Variants in ZBTB7C observed in about 807,000 individuals in gnomAD.
ZBTB7C encodes zinc finger and BTB domain-containing protein 7C.
In ZBTB7C, 8 loss-of-function variants were observed where a neutral mutation model predicts 25.7. That is an observed-to-expected ratio of 0.31 (90% CI 0.18 to 0.56). The LOEUF is 0.56. ZBTB7C is among the 20% of genes least tolerant of loss of function. The probability of loss-of-function intolerance (pLI) is 0.91; values close to 1 mark genes in which losing one functional copy is unlikely to be tolerated. For synonymous variants in ZBTB7C, 394 were observed against 369.0 expected (o/e 1.07, Z -0.78); for missense variants, 824 against 855.2 (o/e 0.96, Z 0.46).
At chr18:48,351,993 C>A (rs912398770) in intron 1 of ZBTB7C, among the ~76,000 whole-genome samples, 1 of 152,178 alleles carries the variant, frequency 6.6e-6, no homozygotes, top group African/African-American at 2.4e-5. Flanking sequence ...CAGCCCCCTT[C>A]CTCACCTCCA....
At chr18:48,408,925 C>T (rs2048344164) in intron 1 of ZBTB7C, among the ~76,000 whole-genome samples, 1 of 140,978 alleles carries the variant, frequency 7.1e-6, no homozygotes, top group East Asian at 2.5e-4. Flanking sequence ...CTCCCTCCTT[C>T]CCTCCCTCCC....
Position 48,029,096 on chromosome 18 carries a change from C to CT in ZBTB7C, c.*163dup. ...TCAGACCAGCAAAAGGAGGCAGCTG[C>CT]TTTAGGAGCCCGGGAAAATGCCATC... On this transcript the variant is annotated 3_prime_UTR_variant, in exon 5 of 5. Coordinates refer to ENST00000590800, the MANE Select transcript of ZBTB7C (RefSeq NM_001318841.2). The CT allele has an allele frequency of 9.2e-7, 1 of 1,085,102 alleles. No homozygotes were observed. Among genetic ancestry groups the CT allele is most frequent in the Non-Finnish European group, 1.2e-6 (1 of 805,414 alleles). 67.2% of individuals were successfully genotyped at this position (1,085,102 alleles called of 1,614,324 possible). A position where few individuals can be genotyped will look rare whatever the true frequency, so the allele number is the denominator to read the frequency against.
At chr18:48,083,093 G>A (rs945386661) in intron 3 of ZBTB7C, among the ~76,000 whole-genome samples, 24 of 152,070 alleles carry the variant, frequency 1.6e-4, no homozygotes, top group African/African-American at 5.3e-4. Context: ...ATACATCTGC[G>A]TGTGAAGACC....
chr18:48,325,802 G>A (rs2046204302), intron 2 of ZBTB7C, among the ~76,000 whole-genome samples: 1 of 152,268 alleles, frequency 6.6e-6, no homozygotes, highest in African/African-American at 2.4e-5. Context: ...TGAAGAAAGG[G>A]CTTGTGGAGG....
chr18:48,156,585 GCCA>G (rs2040847154), intron 3 of ZBTB7C, among the ~76,000 whole-genome samples: 1 of 152,178 alleles, frequency 6.6e-6, no homozygotes, highest in Admixed American at 6.5e-5. Context: ...GGCCGATGGA[GCCA>G]CCAGATTGAA....
At chr18:48,189,086 C>G (rs2042132197) in intron 2 of ZBTB7C, among the ~76,000 whole-genome samples, 1 of 152,228 alleles carries the variant, frequency 6.6e-6, no homozygotes, top group Non-Finnish European at 1.5e-5. Context: ...GGGCTGAGCA[C>G]ACCATGGTTG....
intron 3 of ZBTB7C, among the ~76,000 whole-genome samples, chr18:48,184,305 G>T (rs564219219): frequency 6.6e-6 from 1 of 152,304 alleles, no homozygotes; most frequent in South Asian, 2.1e-4. Flanking sequence ...GGAGGCAAGG[G>T]CTGAGCCAAA....
At chr18:48,053,073 C>A (rs559306324) in intron 3 of ZBTB7C, among the ~76,000 whole-genome samples, 9 of 152,258 alleles carry the variant, frequency 5.9e-5, no homozygotes, top group African/African-American at 2.2e-4. Context: ...TCTACAAGGT[C>A]AAGGTGGGGT....
rs71165321 is a variant in ZBTB7C, at chr18:48,367,175, TTATATA to T, written c.-303-28783_-303-28778del. Among the ~76,000 whole-genome samples the T allele has an allele frequency of 7.5e-4, 47 of 62,252 alleles. 1 individual carries two copies. Among genetic ancestry groups the T allele is most frequent in the African/African-American group, 2.7e-3 (36 of 13,378 alleles). The allele number at this position is 62,252 out of a possible 152,430, so 40.8% of individuals were successfully genotyped here. ...TTTCCCCTGTTCTTCTCCCCAAGTT[TTATATA>T]TATATATATATATATATATATACAC... On this transcript the variant is annotated intron_variant, in intron 1 of 4. Coordinates refer to ENST00000590800, the MANE Select transcript of ZBTB7C (RefSeq NM_001318841.2).
chr18:48,164,032 T>C (rs1426687325), intron 3 of ZBTB7C, among the ~76,000 whole-genome samples: 4 of 152,162 alleles, frequency 2.6e-5, no homozygotes, highest in African/African-American at 9.7e-5. Context: ...AGTACTAATA[T>C]GCATTTTTAT....
At chr18:48,339,644 C>T (rs2046545374) in intron 1 of ZBTB7C, among the ~76,000 whole-genome samples, 1 of 152,010 alleles carries the variant, frequency 6.6e-6, no homozygotes, top group African/African-American at 2.4e-5. Flanking sequence ...TTCCAAGTCA[C>T]CTCAGGGGTG....
At chr18:48,265,081 C>T (rs1054358999) in intron 2 of ZBTB7C, among the ~76,000 whole-genome samples, 10 of 152,108 alleles carry the variant, frequency 6.6e-5, no homozygotes, top group Non-Finnish European at 1.3e-4. Flanking sequence ...AACTGAAAAG[C>T]CTGGTTTTAG....
chr18:48,396,758 G>A, intron 1 of ZBTB7C, among the ~76,000 whole-genome samples: 1 of 152,106 alleles, frequency 6.6e-6, no homozygotes, highest in Non-Finnish European at 1.5e-5. Context: ...CATATTACTT[G>A]GCCCACATCA....
At chr18:48,122,467 C>T (rs1319492426) in intron 3 of ZBTB7C, among the ~76,000 whole-genome samples, 1 of 152,104 alleles carries the variant, frequency 6.6e-6, no homozygotes, top group Admixed American at 6.5e-5. Context: ...CTGTCCTGCC[C>T]ACGTGCAAGC....
intron 3 of ZBTB7C, among the ~76,000 whole-genome samples, chr18:48,097,369 T>C (rs1468191418): frequency 9.0e-6 from 1 of 111,194 alleles, no homozygotes; most frequent in African/African-American, 3.1e-5. Flanking sequence ...AGACAACTTT[T>C]ATTATTGTTG....
intron 3 of ZBTB7C, among the ~76,000 whole-genome samples, chr18:48,048,286 G>A (rs1167033094): frequency 6.6e-6 from 1 of 152,200 alleles, no homozygotes; most frequent in South Asian, 2.1e-4. Flanking sequence ...TTGGGCAGAG[G>A]GGGCAGGAAG....
chr18:48,281,885 T>C (rs2044864251), intron 2 of ZBTB7C, among the ~76,000 whole-genome samples: 1 of 145,076 alleles, frequency 6.9e-6, no homozygotes, highest in South Asian at 2.3e-4. Context: ...AGTTCAACCA[T>C]TGTGGAAGTC....
At chr18:48,392,304 T>C (rs1049554610) in intron 1 of ZBTB7C, among the ~76,000 whole-genome samples, 3 of 152,214 alleles carry the variant, frequency 2.0e-5, no homozygotes, top group Non-Finnish European at 4.4e-5. Flanking sequence ...TTCTTAAAGA[T>C]GAAATGCTCT....
intron 2 of ZBTB7C, among the ~76,000 whole-genome samples, chr18:48,293,946 G>A (rs557324231): frequency 6.6e-6 from 1 of 152,334 alleles, no homozygotes; most frequent in South Asian, 2.1e-4. Flanking sequence ...ACTTCACCTA[G>A]AACAATGAAA....
Sources: gnomAD v4.1 joint callset for allele counts (sites outside exome capture counted in the v4.1 genomes callset) on GRCh38, gnomAD v4.1.1 for gene constraint, MANE v1.5 for transcripts, NCBI Gene and HGNC (gene_info 2026-07-23, HGNC 2026-07-21) for gene names.